PLCG2: variants seen among roughly 807,000 people sequenced by gnomAD.
PLCG2 encodes phospholipase C gamma 2.
Under a neutral mutation model 175.6 loss-of-function variants are expected in PLCG2, and 69 were observed. The observed-to-expected ratio is 0.39, with a 90% CI of 0.32 to 0.48. The LOEUF (loss-of-function observed/expected upper bound fraction) is 0.48, where lower values mean the gene tolerates loss of function less well. PLCG2 is among the 20% of genes least tolerant of loss of function. PLCG2 has a pLI of 0.91. For synonymous variants in PLCG2, 827 were observed against 624.0 expected (o/e 1.33, Z -4.85); for missense variants, 1,798 against 1,650.9 (o/e 1.09, Z -1.54).
At chr16:81,743,412 A>AGACTTGCTG (rs1240011830) in intron 1 of PLCG2, among the ~76,000 whole-genome samples, 1 of 152,246 alleles carries the variant, frequency 6.6e-6, no homozygotes, top group Non-Finnish European at 1.5e-5. Context: ...CGACTGGCAC[A>AGACTTGCTG]GACTTGCTGG....
At chr16:81,857,063 C>G in intron 3 of PLCG2, among the ~76,000 whole-genome samples, 1 of 151,160 alleles carries the variant, frequency 6.6e-6, no homozygotes, top group South Asian at 2.1e-4. Flanking sequence ...CTCTAACAGT[C>G]TGAAAATAAA....
At chr16:81,925,547 A>T (rs1910228920) in intron 22 of PLCG2, among the ~76,000 whole-genome samples, 1 of 152,156 alleles carries the variant, frequency 6.6e-6, no homozygotes, top group African/African-American at 2.4e-5. Context: ...CAGACCAAAA[A>T]ATTGTTAAGT....
chr16:81,822,401 T>A (rs976706219), intron 2 of PLCG2, among the ~76,000 whole-genome samples: 7 of 151,694 alleles, frequency 4.6e-5, no homozygotes, highest in Admixed American at 3.3e-4. Flanking sequence ...GTGAAGAAGG[T>A]TGAGATGGGA....
intron 2 of PLCG2, among the ~76,000 whole-genome samples, chr16:81,828,528 G>A (rs548909875): frequency 1.0e-3 from 157 of 152,190 alleles, no homozygotes; most frequent in Non-Finnish European, 1.5e-3. Context: ...GTGAGCCACC[G>A]CACCCGGCCG....
chr16:81,927,978 G>C (rs1181562777), intron 23 of PLCG2, among the ~76,000 whole-genome samples: 2 of 151,820 alleles, frequency 1.3e-5, no homozygotes, highest in Admixed American at 6.6e-5. Flanking sequence ...CTGGTGCAGG[G>C]GGTGGGGTTT....
chr16:81,845,762 C>G (rs769803478), intron 2 of PLCG2, among the ~76,000 whole-genome samples: 23 of 152,212 alleles, frequency 1.5e-4, no homozygotes, highest in Non-Finnish European at 2.9e-4. Flanking sequence ...GATGTAAGAT[C>G]AAGGGGTGGA....
At chr16:81,890,892 G>T (rs929938525) in intron 10 of PLCG2, among the ~76,000 whole-genome samples, 1 of 152,230 alleles carries the variant, frequency 6.6e-6, no homozygotes, top group Admixed American at 6.5e-5. Context: ...GCCGGGTGCA[G>T]TGGCTCACGC....
At chr16:81,768,140 T>C (rs570686462) in intron 2 of PLCG2, among the ~76,000 whole-genome samples, 1 of 152,210 alleles carries the variant, frequency 6.6e-6, no homozygotes, top group East Asian at 1.9e-4. Context: ...CCTCCAAAAG[T>C]GCTGGGATTA....
intron 2 of PLCG2, among the ~76,000 whole-genome samples, chr16:81,853,360 A>G (rs896182237): frequency 6.6e-6 from 1 of 151,510 alleles, no homozygotes; most frequent in African/African-American, 2.4e-5. Flanking sequence ...ACAAAAAAAA[A>G]CCATTAGACC....
At chr16:81,821,475 G>T (rs1426882252) in intron 2 of PLCG2, among the ~76,000 whole-genome samples, 3 of 152,186 alleles carry the variant, frequency 2.0e-5, no homozygotes, top group Non-Finnish European at 2.9e-5. Context: ...GGGCTCGAAT[G>T]CTGTGTGTCT....
intron 2 of PLCG2, among the ~76,000 whole-genome samples, chr16:81,845,352 A>G (rs1906059759): frequency 6.6e-6 from 1 of 152,178 alleles, no homozygotes; most frequent in Non-Finnish European, 1.5e-5. Context: ...TTTGCCAGGT[A>G]CTATTTTAAT....
rs575035323 is a variant in PLCG2 at position 81,933,576 on chromosome 16, GT to G, written c.2740-841del. On this transcript the variant is annotated intron_variant, in intron 25 of 32. Transcript: ENST00000564138. ...GAGAGTAATTGTCATGCTGTTTTTT[GT>G]TTTTTTTTTTTGAGACAGAGTCTCA... is the stretch of plus-strand genomic sequence containing the variant. Among the ~76,000 whole-genome samples the G allele has an allele frequency of 4.0e-3, 571 of 143,810 alleles. 2 individuals are homozygous for G. Among genetic ancestry groups the G allele is most frequent in the East Asian group, 0.029 (144 of 4,968 alleles). 94.3% of individuals were successfully genotyped at this position (143,810 alleles called of 152,430 possible). A position where few individuals can be genotyped will look rare whatever the true frequency, so the allele number is the denominator to read the frequency against.
chr16:81,940,372 C>T (rs908430899), intron 30 of PLCG2, among the ~76,000 whole-genome samples: 1 of 152,102 alleles, frequency 6.6e-6, no homozygotes, highest in Non-Finnish European at 1.5e-5. Context: ...TTCTCCCTAG[C>T]TAGGGCTAAG....
At chr16:81,951,204 T>A (rs1013575547) in intron 31 of PLCG2, among the ~76,000 whole-genome samples, 1 of 152,066 alleles carries the variant, frequency 6.6e-6, no homozygotes, top group Non-Finnish European at 1.5e-5. Context: ...TGCTCTCAGA[T>A]CCTCCTGCCT....
intron 30 of PLCG2, among the ~76,000 whole-genome samples, chr16:81,944,135 T>G (rs1287787199): frequency 6.6e-6 from 1 of 152,164 alleles, no homozygotes; most frequent in African/African-American, 2.4e-5. Context: ...AATACTGAGC[T>G]CTGGGTGGTG....
chr16:81,906,208 C>G (rs1909363250), intron 15 of PLCG2: 3 of 152,172 alleles, frequency 2.0e-5, no homozygotes, highest in Admixed American at 1.3e-4. Context: ...GGCTATTTTC[C>G]TGTTTCAGGA....
intron 9 of PLCG2, among the ~76,000 whole-genome samples, chr16:81,886,871 A>C (rs1012742303): frequency 3.9e-5 from 6 of 152,128 alleles, no homozygotes; most frequent in African/African-American, 1.4e-4. Context: ...TTTCATCCTT[A>C]TTCTTTGCCA....
chr16:81,883,161 C>A (rs1908173313), intron 8 of PLCG2, 108 bp from the exon 9 acceptor site: 2 of 885,438 alleles, frequency 2.3e-6, no homozygotes, highest in Non-Finnish European at 3.8e-6. Context: ...CAGTGCCAGA[C>A]TAAGTGGGGC....
chr16:81,894,478 G>T (rs1421577722), intron 12 of PLCG2, among the ~76,000 whole-genome samples: 1 of 152,030 alleles, frequency 6.6e-6, no homozygotes, highest in Non-Finnish European at 1.5e-5. Context: ...CTGGGCAGAT[G>T]GCAGACGCCT....
Sources: gnomAD v4.1 joint callset for allele counts (sites outside exome capture counted in the v4.1 genomes callset) on GRCh38, gnomAD v4.1.1 for gene constraint, MANE v1.5 for transcripts, NCBI Gene and HGNC (gene_info 2026-07-23, HGNC 2026-07-21) for gene names.